The following METTL8 variants were observed in gnomAD, a reference collection of about 807,000 sequenced individuals.
METTL8 encodes the protein methyltransferase 8, tRNA N3-cytidine, also known as tRNA N(3)-cytidine methyltransferase METTL8, mitochondrial.
Under a neutral mutation model 48.7 loss-of-function variants are expected in METTL8, and 32 were observed. That is an observed-to-expected ratio of 0.66 (90% CI 0.50 to 0.88). The LOEUF is 0.88. Ranked by LOEUF, METTL8 falls within the 40% of genes least tolerant of loss-of-function variation. The pLI is 0.00. For synonymous variants in METTL8, 136 were observed against 157.1 expected, an observed-to-expected ratio of 0.87 and a Z score of 1.01; for missense variants, 464 against 474.4, an observed-to-expected ratio of 0.98 and a Z score of 0.20.
chr2:171,333,881 G>A (rs182571788), intron 5 of METTL8, among the ~76,000 whole-genome samples: 30 of 152,184 alleles, frequency 2.0e-4, no homozygotes, highest in Non-Finnish European at 3.1e-4. Flanking sequence ...GATAAACATG[G>A]CATCTAAGAT....
At chr2:171,368,639 A>C (rs1685965605) in intron 2 of METTL8, among the ~76,000 whole-genome samples, 1 of 152,240 alleles carries the variant, frequency 6.6e-6, no homozygotes, top group Admixed American at 6.5e-5. Flanking sequence ...ATCTACATCA[A>C]ACAGGGAACC....
intron 2 of METTL8, chr2:171,374,929 C>G: frequency 8.0e-7 from 1 of 1,247,608 alleles, no homozygotes; most frequent in Admixed American, 1.7e-5. Flanking sequence ...GAACTCAGCT[C>G]CTTACATGGG....
Position 171,318,596 on chromosome 2 carries a change from CTGAT to C in METTL8, c.*5572_*5575del, listed in dbSNP as rs780320822. On this transcript the variant is annotated 3_prime_UTR_variant, in exon 10 of 10. Transcript: ENST00000375258. ...GGCAGAAGCAGAATGCTGAAAAGAA[CTGAT>C]TGAAAGCTTTTTGCTTTGTCATTCC... 6.6e-6 allele frequency: 1 copy of C among 152,208 alleles called. No homozygotes were observed. The highest frequency in any genetic ancestry group is 1.5e-5 in the Non-Finnish European group (1 of 68,044). The allele number at this position is 152,208 out of a possible 1,614,324, so 9.4% of individuals were successfully genotyped here. A position where few individuals can be genotyped will look rare whatever the true frequency, so the allele number is the denominator to read the frequency against.
chr2:171,348,456 C>T (rs543926655), intron 3 of METTL8, among the ~76,000 whole-genome samples: 75 of 152,258 alleles, frequency 4.9e-4, no homozygotes, highest in African/African-American at 1.8e-3. Context: ...TGGATTTCGA[C>T]CATAGACTAG....
intron 1 of METTL8, among the ~76,000 whole-genome samples, 171 bp from the exon 2 acceptor site, chr2:171,392,368 A>G (rs541250571): frequency 6.6e-6 from 1 of 152,330 alleles, no homozygotes; most frequent in South Asian, 2.1e-4. Flanking sequence ...TATTCAGGCC[A>G]AGAGATGGGA....
intron 2 of METTL8, among the ~76,000 whole-genome samples, chr2:171,369,952 G>A (rs1686138152): frequency 1.3e-5 from 2 of 151,874 alleles, no homozygotes; most frequent in Non-Finnish European, 2.9e-5. Flanking sequence ...TATAATCCCA[G>A]CTACTCGGAA....
At chr2:171,374,053 C>T (rs36140780) in intron 2 of METTL8, among the ~76,000 whole-genome samples, 31,817 of 152,160 alleles carry the variant, frequency 0.21, 3,559 homozygotes, top group Non-Finnish European at 0.25. Context: ...GGCATTGAAT[C>T]TATAAATTAC....
At chr2:171,422,746 T>A (rs1184401057) in intron 1 of METTL8, among the ~76,000 whole-genome samples, 1 of 152,148 alleles carries the variant, frequency 6.6e-6, no homozygotes, top group East Asian at 1.9e-4. Flanking sequence ...GGAAAATGCA[T>A]AAAAATCATA....
chr2:171,338,017 G>C (rs1686300608), intron 4 of METTL8, among the ~76,000 whole-genome samples: 1 of 152,144 alleles, frequency 6.6e-6, no homozygotes, highest in Non-Finnish European at 1.5e-5. Context: ...AATGGTATTA[G>C]TACAACTTCT....
intron 2 of METTL8, among the ~76,000 whole-genome samples, chr2:171,376,163 A>G (rs113042521): frequency 0.025 from 3,791 of 152,234 alleles, 48 homozygotes; most frequent in Non-Finnish European, 0.033. Context: ...GGGCTGGTCT[A>G]TTTGCTTGCT....
At chr2:171,364,848 G>C (rs540516677) in intron 2 of METTL8, among the ~76,000 whole-genome samples, 8 of 152,132 alleles carry the variant, frequency 5.3e-5, no homozygotes, top group Non-Finnish European at 1.0e-4. Context: ...CATTTACTAT[G>C]TATGTGATGG....
intron 3 of METTL8, among the ~76,000 whole-genome samples, chr2:171,358,123 G>A (rs1159323464): frequency 6.6e-6 from 1 of 152,064 alleles, no homozygotes; most frequent in Non-Finnish European, 1.5e-5. Flanking sequence ...GGCAGAGGTG[G>A]GCGGATCATC....
At chr2:171,345,469 T>C (rs1187903988) in intron 3 of METTL8, among the ~76,000 whole-genome samples, 2 of 152,192 alleles carry the variant, frequency 1.3e-5, no homozygotes, top group Non-Finnish European at 2.9e-5. Flanking sequence ...AAATTCATTG[T>C]CTAATAAAAG....
At chr2:171,394,702 T>A (rs1314282815) in intron 1 of METTL8, among the ~76,000 whole-genome samples, 3 of 152,262 alleles carry the variant, frequency 2.0e-5, no homozygotes. Context: ...ATATAACAAC[T>A]GTATATAGGA....
intron 7 of METTL8, among the ~76,000 whole-genome samples, chr2:171,330,157 A>G (rs1160651058): frequency 1.3e-5 from 2 of 152,216 alleles, no homozygotes; most frequent in African/African-American, 4.8e-5. Context: ...TGTGAAGCCA[A>G]ACAGATCCCA....
intron 1 of METTL8, among the ~76,000 whole-genome samples, chr2:171,396,296 A>T (rs970626355): frequency 6.7e-6 from 1 of 149,802 alleles, no homozygotes. Flanking sequence ...AATAAATAAA[A>T]ATAAATCCCA....
intron 2 of METTL8, among the ~76,000 whole-genome samples, chr2:171,363,792 T>TTATATATATATATATATATATATGTATA (rs200347847): frequency 0.014 from 1,395 of 97,276 alleles, 55 homozygotes; most frequent in African/African-American, 0.053. Flanking sequence ...TCCCCAAATT[T>TTATATATATATATATATATATATGTATA]TATATATATA....
intron 7 of METTL8, among the ~76,000 whole-genome samples, chr2:171,329,119 G>A (rs1349537412): frequency 1.3e-5 from 2 of 152,030 alleles, no homozygotes; most frequent in Non-Finnish European, 2.9e-5. Flanking sequence ...CCAAGGAGCT[G>A]GGATTATAGG....
intron 3 of METTL8, among the ~76,000 whole-genome samples, chr2:171,355,482 C>T (rs960140712): frequency 6.6e-6 from 1 of 152,220 alleles, no homozygotes; most frequent in Non-Finnish European, 1.5e-5. Flanking sequence ...AGAACCACTA[C>T]TCTCTTCAAA....
Sources: gnomAD v4.1 joint callset for allele counts (sites outside exome capture counted in the v4.1 genomes callset) on GRCh38, gnomAD v4.1.1 for gene constraint, MANE v1.5 for transcripts, NCBI Gene and HGNC (gene_info 2026-07-23, HGNC 2026-07-21) for gene names.